The following GALNT13 variants were observed in gnomAD, a reference collection of about 807,000 sequenced individuals.
GALNT13 encodes UDP-GalNAc:polypeptide N-acetylgalactosaminyltransferase 13.
Under a neutral mutation model 64.2 loss-of-function variants are expected in GALNT13, and 28 were observed. The observed-to-expected ratio is 0.44, with a 90% CI of 0.32 to 0.60. The LOEUF is 0.60. Ranked by LOEUF, GALNT13 falls within the 20% of genes least tolerant of loss-of-function variation. The pLI, the probability that GALNT13 is intolerant of heterozygous loss-of-function variation, is 0.05. For missense variants in GALNT13, 577 were observed against 669.8 expected, an observed-to-expected ratio of 0.86 and a Z score of 1.53; for synonymous variants, 214 against 224.6, an observed-to-expected ratio of 0.95 and a Z score of 0.42.
chr2:153,691,393 T>G, the GALNT13 span, among the ~76,000 whole-genome samples: 5 of 152,262 alleles, frequency 3.3e-5, no homozygotes, highest in African/African-American at 1.2e-4. Flanking sequence ...ATATTCAGTA[T>G]GTGGACAATT....
chr2:153,166,741 C>T, the GALNT13 span, among the ~76,000 whole-genome samples: 1 of 151,836 alleles, frequency 6.6e-6, no homozygotes, highest in African/African-American at 2.4e-5. Flanking sequence ...GACACCTGCT[C>T]TTGGGCTGGG....
intron 3 of GALNT13, among the ~76,000 whole-genome samples, chr2:154,133,966 T>TG (rs1306107088): frequency 6.6e-6 from 1 of 152,142 alleles, no homozygotes; most frequent in Non-Finnish European, 1.5e-5. Flanking sequence ...AGGTTACTGT[T>TG]GGTAGTGTCG....
the GALNT13 span, among the ~76,000 whole-genome samples, chr2:153,368,867 ATACTT>A: frequency 6.6e-6 from 1 of 152,092 alleles, no homozygotes; most frequent in South Asian, 2.1e-4. Flanking sequence ...AAAGCAGCAC[ATACTT>A]TACTTTAAAT....
chr2:153,071,155 T>C, the GALNT13 span, among the ~76,000 whole-genome samples: 2 of 152,168 alleles, frequency 1.3e-5, no homozygotes, highest in African/African-American at 4.8e-5. Context: ...CCAAAACTTA[T>C]TACAAATGCA....
chr2:154,207,739 C>CTT (rs1382674760), intron 4 of GALNT13, among the ~76,000 whole-genome samples: 1 of 152,102 alleles, frequency 6.6e-6, no homozygotes, highest in South Asian at 2.1e-4. Context: ...AAAAAGCAAG[C>CTT]TTGAGACCAG....
At chr2:153,138,128 C>A in the GALNT13 span, among the ~76,000 whole-genome samples, 1 of 152,022 alleles carries the variant, frequency 6.6e-6, no homozygotes, top group Non-Finnish European at 1.5e-5. Flanking sequence ...GATGAGGAAA[C>A]TGAGGGAGAA....
rs1574171924 is a variant in GALNT13, at chr2:153,944,634, T to C, written c.137T>C (p.Leu46Ser). 1 of 1,612,860 alleles carries C rather than the reference T, an allele frequency of 6.2e-7. No individual in the cohort carries two copies. The highest frequency in any genetic ancestry group is 8.5e-7 in the Non-Finnish European group (1 of 1,179,256). ...AAGGAGAGATCTCTGCTGCCTGCAT[T>C]GAGGGGTAAGTGCTTATGAAGCAAA... ...DKKERSLLPALRAVISRNQEG... is the reference protein window; with the variant it reads ...DKKERSLLPASRAVISRNQEG... The change falls in exon 3 of 13, where the codon TTG becomes TCG. Residue 46 changes from leucine to serine, a missense_variant. Transcript: ENST00000392825.
chr2:153,116,169 C>A, the GALNT13 span, among the ~76,000 whole-genome samples: 1 of 152,118 alleles, frequency 6.6e-6, no homozygotes, highest in South Asian at 2.1e-4. Flanking sequence ...AATTATTGTA[C>A]AAAGGACTAA....
chr2:153,673,785 A>G, the GALNT13 span, among the ~76,000 whole-genome samples: 43 of 152,226 alleles, frequency 2.8e-4, no homozygotes, highest in Non-Finnish European at 5.7e-4. Context: ...TGCAGATGAC[A>G]TGATTTTACA....
the GALNT13 span, among the ~76,000 whole-genome samples, chr2:153,254,062 C>T: frequency 6.6e-6 from 1 of 152,186 alleles, no homozygotes; most frequent in South Asian, 2.1e-4. Context: ...CCTCCTTGTA[C>T]CTCTGGTAGA....
chr2:153,712,302 C>A, the GALNT13 span, among the ~76,000 whole-genome samples: 1 of 152,100 alleles, frequency 6.6e-6, no homozygotes, highest in African/African-American at 2.4e-5. Flanking sequence ...AAAGAAGCTA[C>A]CAATTTACTA....
chr2:153,344,573 A>G, the GALNT13 span, among the ~76,000 whole-genome samples: 2 of 152,114 alleles, frequency 1.3e-5, no homozygotes, highest in Non-Finnish European at 2.9e-5. Flanking sequence ...AGCATTCCCC[A>G]GCTTTTTTTG....
chr2:153,748,875 A>AAAAG, the GALNT13 span, among the ~76,000 whole-genome samples: 2,690 of 152,080 alleles, frequency 0.018, 70 homozygotes, highest in Admixed American at 0.067. Flanking sequence ...CCTGGAAAAA[A>AAAAG]AAAGAAAGAA....
Position 154,387,346 on chromosome 2 carries a change from G to A in GALNT13, c.1157-8645G>A, listed in dbSNP as rs938134621. ...TTTAACAGTAATCATAAGGCACAAT[G>A]TGATGTTTTGAGATTACACATACAG... On this transcript the variant is annotated intron_variant, in intron 9 of 12. Transcript: ENST00000392825. Among the ~76,000 whole-genome samples the A allele has an allele frequency of 2.0e-5, 3 of 151,946 alleles. No homozygotes were observed. The East Asian group carries it at 5.8e-4, about 29-fold the overall frequency.
chr2:154,085,895 C>T (rs1701496870), intron 3 of GALNT13, among the ~76,000 whole-genome samples: 1 of 150,712 alleles, frequency 6.6e-6, no homozygotes, highest in South Asian at 2.1e-4. Context: ...GGGGCTCCAT[C>T]TCTACAGAAA....
At chr2:154,361,148 TTTAAG>T (rs1347898782) in intron 9 of GALNT13, among the ~76,000 whole-genome samples, 1 of 152,074 alleles carries the variant, frequency 6.6e-6, no homozygotes, top group African/African-American at 2.4e-5. Context: ...TTGTCTGATA[TTTAAG>T]TTATGTTTAT....
At chr2:154,356,322 G>A (rs1696747033) in intron 9 of GALNT13, among the ~76,000 whole-genome samples, 1 of 151,902 alleles carries the variant, frequency 6.6e-6, no homozygotes, top group Admixed American at 6.6e-5. Flanking sequence ...CTAAAATTGT[G>A]TGTTTTCATT....
chr2:154,013,646 C>A (rs1488095618), intron 3 of GALNT13, among the ~76,000 whole-genome samples: 1 of 152,104 alleles, frequency 6.6e-6, no homozygotes, highest in Admixed American at 6.5e-5. Context: ...GTTCTGGAAT[C>A]TGTGCACGCA....
chr2:153,859,210 A>G, the GALNT13 span, among the ~76,000 whole-genome samples: 169 of 152,276 alleles, frequency 1.1e-3, no homozygotes, highest in African/African-American at 3.9e-3. Flanking sequence ...AGTAGGTTCA[A>G]TTTTTCTAGA....
Sources: allele counts gnomAD v4.1 joint callset (sites outside exome capture counted in the v4.1 genomes callset), GRCh38; gene constraint gnomAD v4.1.1; transcripts MANE v1.5; gene names NCBI Gene and HGNC (gene_info 2026-07-23, HGNC 2026-07-21).